Variants in SAMSN1 observed in about 807,000 individuals in gnomAD.
SAMSN1 encodes the protein SAM domain, SH3 domain and nuclear localization signals 1, also known as SAM domain-containing protein SAMSN-1.
Under a neutral mutation model 42.0 loss-of-function variants are expected in SAMSN1, and 31 were observed. The observed-to-expected ratio is 0.74, with a 90% CI of 0.55 to 1.00. The LOEUF is 1.00. Ranked by LOEUF, SAMSN1 falls within the 50% of genes least tolerant of loss-of-function variation. The pLI, the probability that SAMSN1 is intolerant of heterozygous loss-of-function variation, is 0.00. For synonymous variants in SAMSN1, 178 were observed against 151.9 expected (o/e 1.17, Z -1.26); for missense variants, 464 against 439.4 (o/e 1.06, Z -0.50).
chr21:14,643,758 A>G (rs1983650809), intron 1 of SAMSN1, among the ~76,000 whole-genome samples: 1 of 152,172 alleles, frequency 6.6e-6, no homozygotes, highest in Non-Finnish European at 1.5e-5. Context: ...CAAATCACTA[A>G]AAGAGGCACT....
At chr21:14,612,604 G>A (rs1389197360) in intron 4 of SAMSN1, 2 of 533,406 alleles carry the variant, frequency 3.7e-6, no homozygotes, top group African/African-American at 3.8e-5. Flanking sequence ...CACATGGAGA[G>A]CTGGAAGATG....
intron 2 of SAMSN1, among the ~76,000 whole-genome samples, chr21:14,628,417 A>G (rs55660680): frequency 0.03 from 4,632 of 152,258 alleles, 219 homozygotes; most frequent in African/African-American, 0.1. Context: ...GTCAACTAAA[A>G]TATGAAATAA....
At chr21:14,555,810 A>C (rs1451031474) in intron 2 of SAMSN1, among the ~76,000 whole-genome samples, 1 of 152,222 alleles carries the variant, frequency 6.6e-6, no homozygotes, top group African/African-American at 2.4e-5. Context: ...CTCATTTGGC[A>C]GAAAGGCAAT....
chr21:14,562,301 A>G (rs1980971323), intron 2 of SAMSN1, among the ~76,000 whole-genome samples: 1 of 152,188 alleles, frequency 6.6e-6, no homozygotes, highest in Non-Finnish European at 1.5e-5. Flanking sequence ...GTTGATCACT[A>G]AACTTCCTCG....
In SAMSN1 at chr21:14,650,629, A is replaced by G. The variant is rs180851821; in HGVS notation, c.25-7496T>C. Reference sequence around the variant, plus strand: ...CCAACAATGCATCCTAAGGAACTAGAAAAGTAAGAGCAAACCAAACCCCAA... The same window carrying G: ...CCAACAATGCATCCTAAGGAACTAGGAAAGTAAGAGCAAACCAAACCCCAA... On this transcript the variant is annotated intron_variant, in intron 1 of 15. Coordinates refer to the SAMSN1 transcript ENST00000647101. 2.0e-5 allele frequency among the ~76,000 whole-genome samples: 3 copies of G among 152,280 alleles called. No individual in the cohort carries two copies. In the East Asian group the frequency reaches 5.8e-4, roughly 29 times the overall value.
intron 2 of SAMSN1, among the ~76,000 whole-genome samples, chr21:14,581,340 A>ATTTTTTTTTT (rs1404934178): frequency 1.4e-3 from 31 of 22,524 alleles, no homozygotes; most frequent in Non-Finnish European, 2.9e-3. Context: ...GGGAAATAAT[A>ATTTTTTTTTT]TTTCTTTTTT....
chr21:14,622,708 C>G lies in SAMSN1; in HGVS notation c.157-6692G>C, dbSNP rs534784529. On this transcript the variant is annotated intron_variant, in intron 2 of 15. Transcript: ENST00000647101. ...TGGAAAACACTCTGCAGGATATTAT[C>G]AAGGAGAACTTCCCCAACCTAGCAA... is the stretch of plus-strand genomic sequence containing the variant. Among the ~76,000 whole-genome samples, 1,336 of 152,278 alleles carry G rather than the reference C, an allele frequency of 8.8e-3. 52 individuals carry two copies. The highest frequency in any genetic ancestry group is 0.062 in the Admixed American group (946 of 15,290).
chr21:14,499,387 AC>A, intron 6 of SAMSN1, among the ~76,000 whole-genome samples: 1 of 151,998 alleles, frequency 6.6e-6, no homozygotes, highest in Admixed American at 6.5e-5. Context: ...CTCCTATTTT[AC>A]TTGCTCTAAT....
intron 7 of SAMSN1, among the ~76,000 whole-genome samples, chr21:14,491,070 C>T (rs776590391): frequency 2.0e-5 from 3 of 152,118 alleles, no homozygotes; most frequent in Non-Finnish European, 2.9e-5. Flanking sequence ...GACCAAATAA[C>T]GTTTAAAACT....
intron 7 of SAMSN1, among the ~76,000 whole-genome samples, chr21:14,590,114 C>G (rs1461406655): frequency 6.6e-6 from 1 of 152,034 alleles, no homozygotes; most frequent in Non-Finnish European, 1.5e-5. Flanking sequence ...TTTTTTAATG[C>G]TCCCATGTAT....
chr21:14,585,417 C>T (rs924672368), upstream of SAMSN1: 4 of 152,164 alleles, frequency 2.6e-5, no homozygotes, highest in African/African-American at 9.7e-5. Flanking sequence ...TTCTCTTCTC[C>T]CTTTGTGAAA....
intron 2 of SAMSN1, among the ~76,000 whole-genome samples, chr21:14,571,420 A>T (rs1361911060): frequency 1.3e-5 from 2 of 152,184 alleles, no homozygotes; most frequent in African/African-American, 2.4e-5. Flanking sequence ...CCAATTATTC[A>T]TCACTATGGT....
intron 7 of SAMSN1, among the ~76,000 whole-genome samples, chr21:14,592,832 T>C (rs1982128945): frequency 1.3e-5 from 2 of 152,202 alleles, no homozygotes; most frequent in African/African-American, 4.8e-5. Context: ...CTCTTGCTTC[T>C]GTTTCTAATT....
intron 1 of SAMSN1, among the ~76,000 whole-genome samples, chr21:14,535,443 G>A (rs1568794203): frequency 6.6e-6 from 1 of 152,090 alleles, no homozygotes; most frequent in African/African-American, 2.4e-5. Flanking sequence ...GAAAGATCTA[G>A]AGTAATTGGA....
chr21:14,489,134 C>A (rs2822696), intron 7 of SAMSN1, among the ~76,000 whole-genome samples: 1 of 151,978 alleles, frequency 6.6e-6, no homozygotes, highest in Non-Finnish European at 1.5e-5. Context: ...CTTCATGTGG[C>A]CATGAAACAG....
chr21:14,566,543 A>AT (rs1981124883), intron 2 of SAMSN1, among the ~76,000 whole-genome samples: 3 of 150,840 alleles, frequency 2.0e-5, no homozygotes, highest in Admixed American at 6.6e-5. Context: ...TATATATATA[A>AT]AATTTTTTTT....
At chr21:14,657,161 G>T (rs1295554568) in intron 1 of SAMSN1, among the ~76,000 whole-genome samples, 1 of 151,626 alleles carries the variant, frequency 6.6e-6, no homozygotes, top group African/African-American at 2.4e-5. Context: ...CCACAAGAAG[G>T]AATAAAAAAC....
chr21:14,640,895 AT>A (rs1298384211), intron 2 of SAMSN1, among the ~76,000 whole-genome samples: 1 of 152,110 alleles, frequency 6.6e-6, no homozygotes, highest in Non-Finnish European at 1.5e-5. Flanking sequence ...AGCTATAGCA[AT>A]TTAAATCATG....
At chr21:14,627,452 GAATACTCTCCATCCTTGCCTC>G (rs1983211861) in intron 2 of SAMSN1, among the ~76,000 whole-genome samples, 1 of 152,132 alleles carries the variant, frequency 6.6e-6, no homozygotes, top group South Asian at 2.1e-4. Context: ...CTTGTTCTCT[GAATACTCTCCATCCTTGCCTC>G]AATTTAGATA....
Sources: allele counts gnomAD v4.1 joint callset (sites outside exome capture counted in the v4.1 genomes callset), GRCh38; gene constraint gnomAD v4.1.1; transcripts MANE v1.5; gene names NCBI Gene and HGNC (gene_info 2026-07-23, HGNC 2026-07-21).